Variants in MYO1B observed in about 807,000 individuals in gnomAD.
MYO1B encodes the protein myosin IB, also known as unconventional myosin-Ib.
In MYO1B, 72 loss-of-function variants were observed where a neutral mutation model predicts 159.7. The ratio of observed to expected loss-of-function variants is 0.45; its 90% CI spans 0.37 to 0.55. The LOEUF (loss-of-function observed/expected upper bound fraction) is 0.55, where lower values mean the gene tolerates loss of function less well. Among genes scored for constraint, MYO1B ranks in the 20% least tolerant of loss-of-function variants. MYO1B has a pLI of 0.00. For missense variants in MYO1B, 1,062 were observed against 1,364.8 expected, an observed-to-expected ratio of 0.78 and a Z score of 3.50; for synonymous variants, 468 against 473.8, an observed-to-expected ratio of 0.99 and a Z score of 0.16.
chr2:191,365,870 C>T (rs1477987473), intron 11 of MYO1B, among the ~76,000 whole-genome samples: 1 of 152,198 alleles, frequency 6.6e-6, no homozygotes, highest in Non-Finnish European at 1.5e-5. Context: ...AGTCTGCAGT[C>T]AGAGTGGCAA....
At chr2:191,354,115 G>A (rs1693104992) in intron 7 of MYO1B, among the ~76,000 whole-genome samples, 1 of 152,086 alleles carries the variant, frequency 6.6e-6, no homozygotes, top group Non-Finnish European at 1.5e-5. Context: ...AATTAGCTGG[G>A]TGTGGTGGCA....
intron 1 of MYO1B, among the ~76,000 whole-genome samples, chr2:191,253,251 A>T (rs914643360): frequency 6.6e-6 from 1 of 152,284 alleles, no homozygotes; most frequent in East Asian, 1.9e-4. Flanking sequence ...CACTTGTCCC[A>T]ACTTATGTCA....
At chr2:191,411,005 G>A (rs1402126507) in intron 26 of MYO1B, 61 bp from the exon 27 acceptor site, 17 of 950,068 alleles carry the variant, frequency 1.8e-5, no homozygotes, top group Non-Finnish European at 2.5e-5. Flanking sequence ...GCATATTTAA[G>A]AATGAGTAAT....
At chr2:191,278,762 C>T (rs1687890408) in intron 2 of MYO1B, among the ~76,000 whole-genome samples, 2 of 152,258 alleles carry the variant, frequency 1.3e-5, no homozygotes, top group African/African-American at 4.8e-5. Flanking sequence ...AGCAGTTCTG[C>T]TTTCAGGTGG....
At chr2:191,366,631 G>A (rs752392372) in intron 11 of MYO1B, among the ~76,000 whole-genome samples, 10 of 151,916 alleles carry the variant, frequency 6.6e-5, no homozygotes, top group Non-Finnish European at 1.0e-4. Flanking sequence ...CAGCTTCTCC[G>A]ACATACTCTC....
At chr2:191,260,513 A>G (rs1686748046) in intron 1 of MYO1B, among the ~76,000 whole-genome samples, 1 of 151,924 alleles carries the variant, frequency 6.6e-6, no homozygotes, top group Non-Finnish European at 1.5e-5. Context: ...ACACAAAAGA[A>G]CATATTTTTT....
At chr2:191,388,145 G>C (rs373822642) in intron 17 of MYO1B, 5 of 152,340 alleles carry the variant, frequency 3.3e-5, no homozygotes, top group Non-Finnish European at 7.3e-5. Context: ...TTAGCTGGGC[G>C]TGGTGGCAGG....
Position 191,369,684 on chromosome 2 carries a change from C to T in MYO1B, c.1119+56C>T, listed in dbSNP as rs962225081. The T allele has an allele frequency of 1.3e-5, 17 of 1,321,632 alleles. No individual in the cohort carries two copies. The African/African-American group carries it at 2.5e-4, about 19-fold the overall frequency. The allele number at this position is 1,321,632 out of a possible 1,614,324, so 81.9% of individuals were successfully genotyped here. ...TAATAAATGGTATTCACAGTATAAACATTAAGTTGAAGAAAGTTTAAATTT... is the reference window on the plus strand; with the variant it reads ...TAATAAATGGTATTCACAGTATAAATATTAAGTTGAAGAAAGTTTAAATTT... On this transcript the variant is annotated intron_variant, in intron 12 of 30. Transcript: ENST00000392318.
intron 3 of MYO1B, among the ~76,000 whole-genome samples, chr2:191,306,230 C>T (rs765010885): frequency 6.6e-6 from 1 of 152,070 alleles, no homozygotes; most frequent in Non-Finnish European, 1.5e-5. Flanking sequence ...TCAGTATCAT[C>T]GTCTAGGGGT....
rs114607584 is a variant in MYO1B at position 191,392,478 on chromosome 2, T to G, written c.2076+277T>G. 9.4e-3 allele frequency among the ~76,000 whole-genome samples: 1,436 copies of G among 152,266 alleles called. 22 individuals are homozygous for G. The highest frequency in any genetic ancestry group is 0.033 in the African/African-American group (1,380 of 41,540). ...AACTGTTAGGACAACGGTGCAACAT[T>G]CATAGCAACTGCAGGTAAACAGTCT... On this transcript the variant is annotated intron_variant, in intron 19 of 30. Transcript: ENST00000392318.
Position 191,296,098 on chromosome 2 carries a change from C to A in MYO1B, c.136-13C>A. 1.3e-6 allele frequency: 2 copies of A among 1,511,244 alleles called. No individual in the cohort carries two copies. The highest frequency in any genetic ancestry group is 2.4e-5 in the South Asian group (2 of 84,958). 93.6% of individuals were successfully genotyped at this position (1,511,244 alleles called of 1,614,324 possible). A position where few individuals can be genotyped will look rare whatever the true frequency, so the allele number is the denominator to read the frequency against. On this transcript the variant is annotated splice_polypyrimidine_tract_variant and intron_variant, in intron 2 of 30. Coordinates refer to ENST00000392318, the MANE Select transcript of MYO1B (RefSeq NM_001130158.3). ...TACTAACTAATGGGCATGTTTTGTT[C>A]TTTCTTTTGCAGACATACATTGGAA...
At chr2:191,289,825 C>T (rs896514879) in intron 2 of MYO1B, among the ~76,000 whole-genome samples, 1 of 152,020 alleles carries the variant, frequency 6.6e-6, no homozygotes, top group Non-Finnish European at 1.5e-5. Flanking sequence ...CTATCTTACC[C>T]TGGGAAGAAT....
At chr2:191,411,996 T>A (rs1697277313) in intron 27 of MYO1B, among the ~76,000 whole-genome samples, 1 of 152,248 alleles carries the variant, frequency 6.6e-6, no homozygotes, top group African/African-American at 2.4e-5. Flanking sequence ...TTACGTAAAT[T>A]ATGTTTATAT....
intron 21 of MYO1B, among the ~76,000 whole-genome samples, chr2:191,396,951 C>T (rs1234364762): frequency 2.0e-5 from 3 of 152,036 alleles, no homozygotes; most frequent in Admixed American, 1.3e-4. Flanking sequence ...ATGGAGGAGC[C>T]GTCACAGTGG....
At position 191,347,951 on chromosome 2, in the gene MYO1B, G is replaced by A. The variant is rs376762679; in HGVS notation, c.498+1669G>A. ...TGAGTAGTCTGATAGACCCTGCTATGTTGTAGTTAATGCTTGCTCATCGTA... is the reference window on the plus strand; with the variant it reads ...TGAGTAGTCTGATAGACCCTGCTATATTGTAGTTAATGCTTGCTCATCGTA... On this transcript the variant is annotated intron_variant, in intron 6 of 30. Coordinates refer to ENST00000392318, the MANE Select transcript of MYO1B (RefSeq NM_001130158.3). 2.0e-5 allele frequency among the ~76,000 whole-genome samples: 3 copies of A among 152,194 alleles called. 1 individual carries two copies. In the East Asian group the frequency reaches 5.8e-4, roughly 29 times the overall value.
intron 3 of MYO1B, among the ~76,000 whole-genome samples, chr2:191,308,984 C>T (rs1689820593): frequency 1.3e-5 from 2 of 152,190 alleles, no homozygotes; most frequent in African/African-American, 4.8e-5. Flanking sequence ...GGGACCTTTG[C>T]TTTTTTCCTC....
intron 2 of MYO1B, among the ~76,000 whole-genome samples, chr2:191,279,684 T>C (rs1481204889): frequency 6.6e-6 from 1 of 152,218 alleles, no homozygotes; most frequent in African/African-American, 2.4e-5. Context: ...TGCCCAAGGC[T>C]AAGTTAATAT....
intron 1 of MYO1B, among the ~76,000 whole-genome samples, chr2:191,255,716 A>G (rs1028355602): frequency 6.6e-6 from 1 of 152,370 alleles, no homozygotes; most frequent in East Asian, 1.9e-4. Context: ...TGCCAAGTGA[A>G]GCTGGCTAGA....
At chr2:191,275,106 A>G (rs1055394836) in intron 1 of MYO1B, among the ~76,000 whole-genome samples, 1 of 151,904 alleles carries the variant, frequency 6.6e-6, no homozygotes, top group Admixed American at 6.6e-5. Flanking sequence ...GGGTTTCACC[A>G]TCTTGGCCAG....
Sources: allele counts gnomAD v4.1 joint callset (sites outside exome capture counted in the v4.1 genomes callset), GRCh38; gene constraint gnomAD v4.1.1; transcripts MANE v1.5; gene names NCBI Gene and HGNC (gene_info 2026-07-23, HGNC 2026-07-21).